The following PLPPR1 variants were observed in gnomAD, a reference collection of about 807,000 sequenced individuals.
PLPPR1 encodes the protein phospholipid phosphatase-related protein type 1.
PLPPR1 carries 10 observed loss-of-function variants against 33.1 expected under a neutral mutation model. That is an observed-to-expected ratio of 0.30 (90% confidence interval 0.19 to 0.51). The LOEUF is 0.51. Among genes scored for constraint, PLPPR1 ranks in the 20% least tolerant of loss-of-function variants. The probability of loss-of-function intolerance (pLI) is 0.97; values close to 1 mark genes in which losing one functional copy is unlikely to be tolerated. For missense variants in PLPPR1, 304 were observed against 408.1 expected, an observed-to-expected ratio of 0.74 and a Z score of 2.20; for synonymous variants, 151 against 151.0, an observed-to-expected ratio of 1.00 and a Z score of 0.00.
chr9:101,065,651 G>T (rs929405736), intron 1 of PLPPR1, among the ~76,000 whole-genome samples: 1 of 152,052 alleles, frequency 6.6e-6, no homozygotes, highest in Non-Finnish European at 1.5e-5. Flanking sequence ...TGGATAATTT[G>T]TGTTAGAGAA....
intron 4 of PLPPR1, among the ~76,000 whole-genome samples, chr9:101,302,590 C>T (rs1828774280): frequency 6.6e-6 from 1 of 152,160 alleles, no homozygotes; most frequent in African/African-American, 2.4e-5. Flanking sequence ...TCTTGTGTTC[C>T]ATTTCCAATG....
At chr9:101,197,209 G>A (rs1826413309) in intron 2 of PLPPR1, among the ~76,000 whole-genome samples, 1 of 152,110 alleles carries the variant, frequency 6.6e-6, no homozygotes, top group African/African-American at 2.4e-5. Flanking sequence ...GTTTCCTCAA[G>A]CAAAGAAACC....
At chr9:101,065,826 CTTT>C (rs1564134643) in intron 1 of PLPPR1, among the ~76,000 whole-genome samples, 1 of 151,960 alleles carries the variant, frequency 6.6e-6, no homozygotes, top group African/African-American at 2.4e-5. Flanking sequence ...TTAAAAAAAA[CTTT>C]TTATTTCAAA....
intron 1 of PLPPR1, among the ~76,000 whole-genome samples, chr9:101,129,413 A>G (rs1485974440): frequency 6.6e-6 from 1 of 152,224 alleles, no homozygotes; most frequent in East Asian, 1.9e-4. Context: ...AAACCTGTAA[A>G]CAATTGTTCA....
intron 1 of PLPPR1, among the ~76,000 whole-genome samples, chr9:101,100,504 C>A (rs1288669410): frequency 7.2e-5 from 11 of 152,188 alleles, no homozygotes; most frequent in Admixed American, 6.5e-4. Context: ...ACTCCTCACA[C>A]TTCTCTCAAC....
intron 1 of PLPPR1, among the ~76,000 whole-genome samples, chr9:101,179,203 A>T (rs1826062775): frequency 6.6e-6 from 1 of 152,190 alleles, no homozygotes; most frequent in Admixed American, 6.5e-5. Flanking sequence ...GATTAAGGTC[A>T]ATGGGAAACT....
chr9:101,277,084 G>A (rs1030058977), intron 3 of PLPPR1, among the ~76,000 whole-genome samples: 6 of 152,026 alleles, frequency 3.9e-5, no homozygotes, highest in Admixed American at 1.3e-4. Context: ...CTAGCAGCAG[G>A]GTCTATAGGT....
At position 101,036,701 on chromosome 9, in the gene PLPPR1, C is replaced by CAA. The variant is rs5899427; in HGVS notation, c.-46+7618_-46+7619dup. Among the ~76,000 whole-genome samples, 266 of 103,678 alleles carry CAA rather than the reference C, an allele frequency of 2.6e-3. 2 individuals carry two copies. Among genetic ancestry groups the CAA allele is most frequent in the African/African-American group, 8.0e-3 (225 of 28,164 alleles). 68.0% of individuals were successfully genotyped at this position (103,678 alleles called of 152,430 possible). A position where few individuals can be genotyped will look rare whatever the true frequency, so the allele number is the denominator to read the frequency against. ...AATGACAAAGCTTGGCTATTTCTGC[C>CAA]AAAAAAAAAAAAAAAAAAAAGAAGA... On this transcript the variant is annotated intron_variant, in intron 1 of 7. Transcript: ENST00000374874.
rs7027569 is a variant in PLPPR1, at chr9:101,294,569, C to A, written c.385+8333C>A. Among the ~76,000 whole-genome samples, 6 of 151,294 alleles carry A rather than the reference C, an allele frequency of 4.0e-5. No individual in the cohort carries two copies. The East Asian group carries it at 1.2e-3, about 29-fold the overall frequency. On this transcript the variant is annotated intron_variant, in intron 4 of 7. Coordinates refer to ENST00000374874, the MANE Select transcript of PLPPR1 (RefSeq NM_207299.2). ...AAATCCTCAATAAAATACTGGCAAA[C>A]CGAATCCAGCAGCACATCAAAAAGC...
intron 2 of PLPPR1, among the ~76,000 whole-genome samples, chr9:101,247,072 T>C (rs1827623937): frequency 6.6e-6 from 1 of 151,994 alleles, no homozygotes; most frequent in Admixed American, 6.6e-5. Flanking sequence ...AAATGGCATG[T>C]GTATATGGGA....
intron 1 of PLPPR1, among the ~76,000 whole-genome samples, chr9:101,054,206 A>C (rs1341289964): frequency 6.6e-6 from 1 of 151,428 alleles, no homozygotes; most frequent in Non-Finnish European, 1.5e-5. Flanking sequence ...AAACAAAACA[A>C]AACACACAAA....
intron 1 of PLPPR1, among the ~76,000 whole-genome samples, chr9:101,082,588 G>A (rs369024260): frequency 2.4e-4 from 36 of 152,272 alleles, no homozygotes; most frequent in South Asian, 2.3e-3. Flanking sequence ...AGTCAAGCTC[G>A]TGAAAATAAA....
At chr9:101,171,290 TG>T (rs1825938191) in intron 1 of PLPPR1, among the ~76,000 whole-genome samples, 1 of 152,168 alleles carries the variant, frequency 6.6e-6, no homozygotes, top group Non-Finnish European at 1.5e-5. Context: ...CAATGTACTG[TG>T]GGAGCCCTGA....
chr9:101,136,667 G>A (rs1339983971), intron 1 of PLPPR1, among the ~76,000 whole-genome samples: 1 of 152,058 alleles, frequency 6.6e-6, no homozygotes, highest in Non-Finnish European at 1.5e-5. Flanking sequence ...CTTTATGTAC[G>A]GAAGCATGTT....
chr9:101,124,449 C>T (rs910233625), intron 1 of PLPPR1, among the ~76,000 whole-genome samples: 15 of 152,148 alleles, frequency 9.9e-5, no homozygotes, highest in East Asian at 3.8e-4. Context: ...GCTTCCTGTG[C>T]GGTTTTCTTG....
intron 1 of PLPPR1, among the ~76,000 whole-genome samples, chr9:101,180,375 A>G (rs890819758): frequency 7.3e-5 from 11 of 151,540 alleles, no homozygotes; most frequent in African/African-American, 2.4e-4. Context: ...AATTTTTCAC[A>G]GAAATAAAAA....
intron 2 of PLPPR1, among the ~76,000 whole-genome samples, chr9:101,198,959 A>C (rs1240285385): frequency 6.6e-6 from 1 of 152,208 alleles, no homozygotes; most frequent in Non-Finnish European, 1.5e-5. Context: ...TTTGGGAAAC[A>C]AGAGCATTCT....
chr9:101,246,055 A>AATATATATATATAT (rs58070017), intron 2 of PLPPR1, among the ~76,000 whole-genome samples: 1 of 85,650 alleles, frequency 1.2e-5, no homozygotes, highest in Admixed American at 1.3e-4. Context: ...ATTGAATATG[A>AATATATATATATAT]ATATATATAT....
In PLPPR1 at chr9:101,309,318, A is replaced by C. The variant is rs767021755; in HGVS notation, c.493A>C (p.Thr165Pro). ...YFLTVCKPNY[T>P]SADCQAHHQF... ...CCTGACTGTGTGCAAGCCAAACTACACCAGTGCAGACTGCCAAGCGCACCA... is the reference window on the plus strand; with the variant it reads ...CCTGACTGTGTGCAAGCCAAACTACCCCAGTGCAGACTGCCAAGCGCACCA... Residue 165 changes from threonine (T) to proline (P), a missense_variant, in exon 5 of 8, where the codon ACC becomes CCC. Transcript: ENST00000374874. 45 of 1,614,032 alleles carry C rather than the reference A, an allele frequency of 2.8e-5. No homozygotes were observed. The highest frequency in any genetic ancestry group is 3.4e-6 in the Non-Finnish European group (4 of 1,180,032).
Sources: allele counts gnomAD v4.1 joint callset (sites outside exome capture counted in the v4.1 genomes callset), GRCh38; gene constraint gnomAD v4.1.1; transcripts MANE v1.5; gene names NCBI Gene and HGNC (gene_info 2026-07-23, HGNC 2026-07-21).